CNNM4: variants seen among roughly 807,000 people sequenced by gnomAD.
The protein encoded by CNNM4 is metal transporter CNNM4.
CNNM4 carries 32 observed loss-of-function variants against 53.7 expected under a neutral mutation model. That is an observed-to-expected ratio of 0.60 (90% confidence interval 0.45 to 0.80). CNNM4 has a LOEUF of 0.80. Ranked by LOEUF, CNNM4 falls within the 30% of genes least tolerant of loss-of-function variation. CNNM4 has a pLI of 0.00. For synonymous variants in CNNM4, 410 were observed against 440.0 expected (o/e 0.93, Z 0.85); for missense variants, 784 against 1,022.0 (o/e 0.77, Z 3.17).
At chr2:96,782,404 A>G (rs1230806188) in intron 1 of CNNM4, among the ~76,000 whole-genome samples, 2 of 146,078 alleles carry the variant, frequency 1.4e-5, no homozygotes, top group Non-Finnish European at 3.0e-5. Flanking sequence ...AGAGTGAGAC[A>G]TTGTCTCAAA....
chr2:96,799,248 C>T lies in CNNM4; in HGVS notation c.1851+22C>T, dbSNP rs202083378. On this transcript the variant is annotated intron_variant, in intron 4 of 6. Transcript: ENST00000377075. ...GCAGGTGAGCCCGCTCAGCCCTGGG[C>T]CTGCCACCTGCTCCCCCTGGCACTG... The T allele has an allele frequency of 2.8e-4, 452 of 1,613,892 alleles. No homozygotes were observed. The African/African-American group carries it at 5.3e-3, about 19-fold the overall frequency.
Position 96,761,018 on chromosome 2 carries a change from GGCGGGCGCCCGGTCGGCGGACCGGCCC to G in CNNM4, c.29_55del (p.Pro10_Arg18del), listed in dbSNP as rs1297931953. The G allele has an allele frequency of 1.7e-5, 20 of 1,185,504 alleles. No individual in the cohort carries two copies. The highest frequency in any genetic ancestry group is 7.4e-5 in the East Asian group (2 of 27,208). 73.4% of individuals were successfully genotyped at this position (1,185,504 alleles called of 1,614,324 possible). On this transcript the variant is annotated inframe_deletion, in exon 1 of 7. Coordinates refer to ENST00000377075, the MANE Select transcript of CNNM4 (RefSeq NM_020184.4). This position sits in a 1 kb window ranked among gnomAD's most constrained non-coding sequence, Gnocchi z 6.0. ...GAGCAACATGGCGCCGGTGGGCGGG[GGCGGGCGCCCGGTCGGCGGACCGGCCC>G]GCGGGCGCCTCCTCCTGGCGGCGCC... is the stretch of plus-strand genomic sequence containing the variant.
intron 1 of CNNM4, among the ~76,000 whole-genome samples, chr2:96,768,336 C>T (rs2078836923): frequency 6.6e-6 from 1 of 151,670 alleles, no homozygotes; most frequent in South Asian, 2.1e-4. Context: ...GTGTCAGACA[C>T]TGTGCAGGCT....
intron 6 of CNNM4, 88 bp from the exon 7 acceptor site, chr2:96,809,232 C>A (rs748506632): frequency 6.3e-7 from 1 of 1,579,010 alleles, no homozygotes; most frequent in South Asian, 1.2e-5. Context: ...CAACTCACAG[C>A]CTCAATCCTG....
At chr2:96,764,856 A>G (rs2078799431) in intron 1 of CNNM4, among the ~76,000 whole-genome samples, 1 of 151,418 alleles carries the variant, frequency 6.6e-6, no homozygotes, top group Non-Finnish European at 1.5e-5. Flanking sequence ...CCGTGGTGGC[A>G]CATGCCTGTA....
rs1215212816 is a variant in CNNM4, at chr2:96,811,218, T to A, written c.*1701T>A. The A allele has an allele frequency of 6.6e-6, 1 of 152,280 alleles. No homozygotes were observed. The highest frequency in any genetic ancestry group is 1.5e-5 in the Non-Finnish European group (1 of 68,090). The allele number at this position is 152,280 out of a possible 1,614,324, so 9.4% of individuals were successfully genotyped here. ...CCTGGAGAGAAGGTGGTGACACCCA[T>A]GGGTTCTCAACTGTAAGGAAAAAAG... On this transcript the variant is annotated 3_prime_UTR_variant, in exon 7 of 7. Coordinates refer to ENST00000377075, the MANE Select transcript of CNNM4 (RefSeq NM_020184.4).
intron 5 of CNNM4, among the ~76,000 whole-genome samples, chr2:96,805,431 TTTTTTTTTA>T (rs2079194101): frequency 7.1e-6 from 1 of 140,390 alleles, no homozygotes; most frequent in Non-Finnish European, 1.5e-5. Flanking sequence ...TTTTTTTTTT[TTTTTTTTTA>T]TTATTTTTTT....
intron 5 of CNNM4, 60 bp downstream of exon 5, chr2:96,799,708 G>T: frequency 7.5e-7 from 1 of 1,341,764 alleles, no homozygotes; most frequent in Admixed American, 2.0e-5. Context: ...GGGAGCCATG[G>T]ACCGACACCA....
rs202044868 is a variant in CNNM4 at position 96,809,975 on chromosome 2, TTCCTCCTCCTCC to T, written c.*468_*479del. On this transcript the variant is annotated 3_prime_UTR_variant, in exon 7 of 7. Transcript: ENST00000377075. ...TGTCCCTGATTCAGGGAGCTCTCCC[TTCCTCCTCCTCC>T]TCCTCCTCCGGAGGTGGGATCCCAG... 6.5e-6 allele frequency: 1 copy of T among 154,168 alleles called. No individual in the cohort carries two copies. Among genetic ancestry groups the T allele is most frequent in the Non-Finnish European group, 1.4e-5 (1 of 69,070 alleles). 9.6% of individuals were successfully genotyped at this position (154,168 alleles called of 1,614,324 possible).
At chr2:96,778,628 T>G (rs2078946765) in intron 1 of CNNM4, among the ~76,000 whole-genome samples, 1 of 151,606 alleles carries the variant, frequency 6.6e-6, no homozygotes, top group Non-Finnish European at 1.5e-5. Flanking sequence ...CCTTAAAAAT[T>G]TTTTTTTATA....
chr2:96,779,253 T>C (rs924010374), intron 1 of CNNM4, among the ~76,000 whole-genome samples: 3 of 152,162 alleles, frequency 2.0e-5, no homozygotes, highest in Non-Finnish European at 2.9e-5. Context: ...CCACCGCGCC[T>C]GGCCAATATT....
rs1300890772 is a variant in CNNM4, at chr2:96,761,730, G to C, written c.731G>C (p.Cys244Ser). 1 of 1,609,800 alleles carries C rather than the reference G, an allele frequency of 6.2e-7. No homozygotes were observed. Among genetic ancestry groups the C allele is most frequent in the Non-Finnish European group, 8.5e-7 (1 of 1,179,992 alleles). The change falls in exon 1 of 7, where the codon TGC becomes TCC. Residue 244 changes from cysteine (C) to serine (S), a missense_variant. Transcript: ENST00000377075. This position sits in a 1 kb window ranked among gnomAD's most constrained non-coding sequence, Gnocchi z 6.0. The stretch of plus-strand genomic sequence containing the variant: ...CGGCGCAAGGGCAACTACCTTCTCT[G>C]CTCGTTGCTCCTAGGGAACGTGCTG... ...PIRRKGNYLL[C>S]SLLLGNVLVN... is the part of the protein sequence containing the mutation.
At chr2:96,779,679 T>TTA (rs975879674) in intron 1 of CNNM4, among the ~76,000 whole-genome samples, 1 of 152,134 alleles carries the variant, frequency 6.6e-6, no homozygotes, top group African/African-American at 2.4e-5. Context: ...TGCAGTAACT[T>TTA]TATAAGTTTT....
chr2:96,777,023 T>C (rs1047264680), intron 1 of CNNM4, among the ~76,000 whole-genome samples: 10 of 151,248 alleles, frequency 6.6e-5, no homozygotes, highest in African/African-American at 2.4e-4. Context: ...ACTGTTTTCT[T>C]TTTTTTTTGT....
intron 1 of CNNM4, among the ~76,000 whole-genome samples, chr2:96,785,445 T>C: frequency 6.6e-6 from 1 of 151,392 alleles, no homozygotes; most frequent in East Asian, 2.0e-4. Flanking sequence ...GAGACCAACC[T>C]GGGCAACATG....
At chr2:96,780,871 T>A (rs1461757663) in intron 1 of CNNM4, among the ~76,000 whole-genome samples, 3 of 150,824 alleles carry the variant, frequency 2.0e-5, no homozygotes, top group East Asian at 3.9e-4. Context: ...CCCAAGTAGC[T>A]GGGACTACAG....
In CNNM4 at chr2:96,801,492, G is replaced by C. The variant is rs977368688; in HGVS notation, c.1948+1844G>C. ...CACAGAGAGAGACCACACACACACA[G>C]AGACCACACACAGAGAGAGACCACA... is the stretch of plus-strand genomic sequence containing the variant. On this transcript the variant is annotated intron_variant, in intron 5 of 6. Coordinates refer to ENST00000377075, the MANE Select transcript of CNNM4 (RefSeq NM_020184.4). This position sits in a 1 kb window ranked among gnomAD's most constrained non-coding sequence, Gnocchi z 5.6. Among the ~76,000 whole-genome samples, 1 of 150,120 alleles carries C rather than the reference G, an allele frequency of 6.7e-6. No homozygotes were observed.
Position 96,797,231 on chromosome 2 carries a change from C to T in CNNM4, c.1546+76C>T. 2 of 1,589,250 alleles carry T rather than the reference C, an allele frequency of 1.3e-6. No homozygotes were observed. The highest frequency in any genetic ancestry group is 2.2e-5 in the South Asian group (2 of 89,940). Reference sequence around the variant, plus strand: ...AACTTGGTGTCCCTAGCTGGAAGGGCCATAGTGCAGGGACACAGGAGGCCT... The same window carrying T: ...AACTTGGTGTCCCTAGCTGGAAGGGTCATAGTGCAGGGACACAGGAGGCCT... On this transcript the variant is annotated intron_variant, in intron 2 of 6. Coordinates refer to ENST00000377075, the MANE Select transcript of CNNM4 (RefSeq NM_020184.4). This position sits in a 1 kb window ranked among gnomAD's most constrained non-coding sequence, Gnocchi z 6.0.
intron 5 of CNNM4, among the ~76,000 whole-genome samples, chr2:96,806,551 G>T (rs1219930879): frequency 6.7e-6 from 1 of 148,240 alleles, no homozygotes; most frequent in Non-Finnish European, 1.5e-5. Flanking sequence ...GCGCGCGCGC[G>T]CGCCCTTAGT....
Sources: allele counts gnomAD v4.1 joint callset (sites outside exome capture counted in the v4.1 genomes callset), GRCh38; gene constraint gnomAD v4.1.1; non-coding constraint Gnocchi (gnomAD v3.1); transcripts MANE v1.5; gene names NCBI Gene and HGNC (gene_info 2026-07-23, HGNC 2026-07-21).